The following LRRTM4 variants were observed in gnomAD, a reference collection of about 807,000 sequenced individuals.
LRRTM4 encodes the protein leucine-rich repeat transmembrane neuronal protein 4.
LRRTM4 carries 25 observed loss-of-function variants against 47.6 expected under a neutral mutation model. The ratio of observed to expected loss-of-function variants is 0.53; its 90% CI spans 0.38 to 0.73. The LOEUF (loss-of-function observed/expected upper bound fraction) is 0.73, where lower values mean the gene tolerates loss of function less well. Among genes scored for constraint, LRRTM4 ranks in the 30% least tolerant of loss-of-function variants. The probability of loss-of-function intolerance (pLI) is 0.00; values close to 1 mark genes in which losing one functional copy is unlikely to be tolerated. For missense variants in LRRTM4, 638 were observed against 713.4 expected (o/e 0.89, Z 1.20); for synonymous variants, 311 against 269.5 (o/e 1.15, Z -1.51).
At chr2:76,842,831 C>T (rs1671725064) in intron 3 of LRRTM4, among the ~76,000 whole-genome samples, 2 of 152,150 alleles carry the variant, frequency 1.3e-5, no homozygotes, top group Admixed American at 6.5e-5. Flanking sequence ...ACCTATCAAA[C>T]CATTGTCTAT....
At chr2:77,201,499 C>T (rs1339173616) in intron 3 of LRRTM4, among the ~76,000 whole-genome samples, 1 of 151,960 alleles carries the variant, frequency 6.6e-6, no homozygotes, top group East Asian at 1.9e-4. Flanking sequence ...GTTTGGTTGA[C>T]AAAACATTTT....
At chr2:77,502,455 A>G (rs1678605627) in intron 3 of LRRTM4, among the ~76,000 whole-genome samples, 1 of 151,582 alleles carries the variant, frequency 6.6e-6, no homozygotes, top group Admixed American at 6.6e-5. Context: ...TTAGTGATAT[A>G]AATTTATCAA....
chr2:77,090,645 C>G (rs62170959), intron 3 of LRRTM4, among the ~76,000 whole-genome samples: 1 of 152,100 alleles, frequency 6.6e-6, no homozygotes, highest in Non-Finnish European at 1.5e-5. Flanking sequence ...CCCCCAGGAG[C>G]TTGCTACAAG....
chr2:76,790,899 T>C (rs1365646213), intron 3 of LRRTM4, among the ~76,000 whole-genome samples: 1 of 152,190 alleles, frequency 6.6e-6, no homozygotes, highest in Non-Finnish European at 1.5e-5. Context: ...CACAGCAGGT[T>C]GTATTAGTCA....
In LRRTM4 at chr2:77,068,631, T is replaced by C. The variant is rs369812252; in HGVS notation, c.1552-319715A>G. Among the ~76,000 whole-genome samples the C allele has an allele frequency of 4.6e-5, 7 of 152,252 alleles. No homozygotes were observed. The South Asian group carries it at 1.2e-3, about 27-fold the overall frequency. ...TTCTTCTATGTTATAGCACATACTATGTTATGGTACTTCATTTTCTGACAT... is the reference window on the plus strand; with the variant it reads ...TTCTTCTATGTTATAGCACATACTACGTTATGGTACTTCATTTTCTGACAT... On this transcript the variant is annotated intron_variant, in intron 3 of 3. Transcript: ENST00000409884.
At chr2:76,880,167 T>C (rs753387125) in intron 3 of LRRTM4, among the ~76,000 whole-genome samples, 7 of 152,322 alleles carry the variant, frequency 4.6e-5, no homozygotes, top group African/African-American at 7.2e-5. Flanking sequence ...GACCCCAGTT[T>C]TGAAAGAAAT....
chr2:77,175,218 C>A (rs1573039791), intron 3 of LRRTM4, among the ~76,000 whole-genome samples: 1 of 151,792 alleles, frequency 6.6e-6, no homozygotes, highest in Admixed American at 6.6e-5. Flanking sequence ...TACAGGTGTG[C>A]ACCACCACTG....
chr2:77,471,919 C>A (rs376086986), intron 3 of LRRTM4, among the ~76,000 whole-genome samples: 1 of 152,154 alleles, frequency 6.6e-6, no homozygotes, highest in African/African-American at 2.4e-5. Flanking sequence ...TGCCTACTCA[C>A]TGAAGTGCAC....
chr2:76,756,976 T>C (rs529663231), intron 3 of LRRTM4, among the ~76,000 whole-genome samples: 4 of 152,134 alleles, frequency 2.6e-5, no homozygotes, highest in African/African-American at 9.7e-5. Context: ...GAAGATGGAA[T>C]AAATAATAAA....
intron 3 of LRRTM4, among the ~76,000 whole-genome samples, chr2:77,102,774 T>C (rs1670991454): frequency 6.6e-6 from 1 of 152,156 alleles, no homozygotes; most frequent in Non-Finnish European, 1.5e-5. Flanking sequence ...ACCTCAATAT[T>C]ATCACATAAT....
At chr2:76,856,059 C>G (rs1027790596) in intron 3 of LRRTM4, among the ~76,000 whole-genome samples, 2 of 152,068 alleles carry the variant, frequency 1.3e-5, no homozygotes, top group African/African-American at 4.8e-5. Flanking sequence ...GGCGGATTAC[C>G]TGAGGTCAGG....
At chr2:77,115,778 C>G (rs1466695068) in intron 3 of LRRTM4, among the ~76,000 whole-genome samples, 1 of 152,150 alleles carries the variant, frequency 6.6e-6, no homozygotes, top group Non-Finnish European at 1.5e-5. Context: ...TTTTTGATAT[C>G]TATAGACTTC....
At chr2:76,821,465 G>A (rs1210494578) in intron 3 of LRRTM4, among the ~76,000 whole-genome samples, 1 of 151,550 alleles carries the variant, frequency 6.6e-6, no homozygotes, top group Non-Finnish European at 1.5e-5. Context: ...TTTTAAAAGA[G>A]AAAAGCCATC....
chr2:77,401,198 C>G (rs75246164), intron 3 of LRRTM4, among the ~76,000 whole-genome samples: 3,158 of 152,012 alleles, frequency 0.021, 57 homozygotes, highest in South Asian at 0.047. Flanking sequence ...ATTCTTGGGT[C>G]CCTCTGAATA....
intron 3 of LRRTM4, among the ~76,000 whole-genome samples, chr2:76,757,063 CAAG>C (rs999838606): frequency 3.3e-5 from 5 of 151,866 alleles, no homozygotes; most frequent in Admixed American, 6.6e-5. Flanking sequence ...AAAAGGAAAA[CAAG>C]AAGACAGTGG....
At chr2:76,948,941 A>G (rs191682501) in intron 3 of LRRTM4, among the ~76,000 whole-genome samples, 40 of 151,996 alleles carry the variant, frequency 2.6e-4, no homozygotes, top group Admixed American at 8.5e-4. Context: ...TGATAAAGCT[A>G]TATGTGTGAT....
At chr2:76,936,766 C>T (rs763972008) in intron 3 of LRRTM4, among the ~76,000 whole-genome samples, 24 of 149,908 alleles carry the variant, frequency 1.6e-4, no homozygotes, top group Non-Finnish European at 2.4e-4. Flanking sequence ...ACCAGTCTGG[C>T]CAAATGGTGA....
chr2:77,508,051 TA>T (rs1678847802), intron 3 of LRRTM4, among the ~76,000 whole-genome samples: 1 of 152,068 alleles, frequency 6.6e-6, no homozygotes, highest in African/African-American at 2.4e-5. Flanking sequence ...ATCACCAAAA[TA>T]GTCATGATCC....
intron 3 of LRRTM4, among the ~76,000 whole-genome samples, chr2:77,014,357 CT>C (rs1308097978): frequency 6.6e-6 from 1 of 151,934 alleles, no homozygotes; most frequent in African/African-American, 2.4e-5. Flanking sequence ...AAAAGAATAG[CT>C]ACTCACTGAA....
Sources: allele counts gnomAD v4.1 joint callset (sites outside exome capture counted in the v4.1 genomes callset), GRCh38; gene constraint gnomAD v4.1.1; transcripts MANE v1.5; gene names NCBI Gene and HGNC (gene_info 2026-07-23, HGNC 2026-07-21).